ZFYVE9: variants seen among roughly 807,000 people sequenced by gnomAD.
The protein encoded by ZFYVE9 is zinc finger FYVE domain-containing protein 9.
In ZFYVE9, 43 loss-of-function variants were observed where a neutral mutation model predicts 126.7. That is an observed-to-expected ratio of 0.34 (90% CI 0.27 to 0.44). The LOEUF is 0.44. Ranked by LOEUF, ZFYVE9 falls within the 20% of genes least tolerant of loss-of-function variation. ZFYVE9 has a pLI of 1.00. For missense variants in ZFYVE9, 1,476 were observed against 1,697.0 expected (o/e 0.87, Z 2.29); for synonymous variants, 521 against 597.4 (o/e 0.87, Z 1.87).
chr1:52,169,143 A>C (rs1053552567), intron 1 of ZFYVE9, among the ~76,000 whole-genome samples: 1 of 152,116 alleles, frequency 6.6e-6, no homozygotes, highest in African/African-American at 2.4e-5. Flanking sequence ...GCTCATGCCT[A>C]TAATCCTAGC....
Position 52,333,001 on chromosome 1 carries a change from T to C in ZFYVE9, c.3589+83T>C, listed in dbSNP as rs565146940. ...GTTAGATACCTCAGTCCCGTAACACTCACTTTCTAGATAGGTGACCACAAA... is the reference window on the plus strand; with the variant it reads ...GTTAGATACCTCAGTCCCGTAACACCCACTTTCTAGATAGGTGACCACAAA... On this transcript the variant is annotated intron_variant, in intron 14 of 18. Transcript: ENST00000287727. 9.6e-5 allele frequency: 147 copies of C among 1,539,050 alleles called. No homozygotes were observed. The African/African-American group carries it at 1.9e-3, about 19-fold the overall frequency.
At chr1:52,246,486 CAG>C (rs982533880) in intron 4 of ZFYVE9, among the ~76,000 whole-genome samples, 1 of 150,954 alleles carries the variant, frequency 6.6e-6, no homozygotes. Flanking sequence ...CTTATACCTT[CAG>C]AGATCAGTTT....
At chr1:52,149,052 C>T (rs758279881) in intron 1 of ZFYVE9, among the ~76,000 whole-genome samples, 10 of 147,112 alleles carry the variant, frequency 6.8e-5, no homozygotes, top group Non-Finnish European at 1.2e-4. Flanking sequence ...GTAACCTCCA[C>T]CTCCCAGTTC....
chr1:52,285,700 A>G (rs1021949378), intron 10 of ZFYVE9, among the ~76,000 whole-genome samples: 1 of 152,196 alleles, frequency 6.6e-6, no homozygotes, highest in Admixed American at 6.5e-5. Context: ...TTGTATAATT[A>G]TTTCATGACA....
chr1:52,280,061 T>C (rs1645786604), intron 9 of ZFYVE9, among the ~76,000 whole-genome samples: 2 of 152,014 alleles, frequency 1.3e-5, no homozygotes, highest in Non-Finnish European at 2.9e-5. Context: ...CCATATCTAG[T>C]TTATAAATTA....
chr1:52,268,762 G>T, intron 7 of ZFYVE9, 130 bp downstream of exon 7: 1 of 1,100,846 alleles, frequency 9.1e-7, no homozygotes, highest in Non-Finnish European at 1.2e-6. Flanking sequence ...GCACATATAT[G>T]GATAAAGTAA....
intron 13 of ZFYVE9, among the ~76,000 whole-genome samples, chr1:52,329,892 G>A (rs1270045022): frequency 2.0e-5 from 3 of 151,784 alleles, no homozygotes; most frequent in Non-Finnish European, 4.4e-5. Flanking sequence ...GTGACAGAGC[G>A]AGACTGTCTC....
At chr1:52,192,302 A>T (rs919042713) in intron 1 of ZFYVE9, among the ~76,000 whole-genome samples, 1 of 152,232 alleles carries the variant, frequency 6.6e-6, no homozygotes, top group Non-Finnish European at 1.5e-5. Context: ...TGACACCATC[A>T]TTACCCATAA....
At position 52,237,773 on chromosome 1, in the gene ZFYVE9, A is replaced by T; in HGVS notation, c.356A>T (p.Asn119Ile). Residue 119 changes from asparagine to isoleucine, a missense_variant, in exon 4 of 19, where the codon AAC (asparagine) becomes ATC (isoleucine). By Grantham distance (149) the Asn-to-Ile change is moderately radical. Coordinates refer to ENST00000287727, the MANE Select transcript of ZFYVE9 (RefSeq NM_004799.4). ...GCAGAAGACCAGTTAATTAAGAGAA[A>T]CTATAGTTGGGATGATCAATGCAGT... ...AVAEDQLIKR[N>I]YSWDDQCSAV... is the part of the protein sequence containing the mutation. 4 of 1,614,132 alleles carry T rather than the reference A, an allele frequency of 2.5e-6. No individual in the cohort carries two copies. Among genetic ancestry groups the T allele is most frequent in the Non-Finnish European group, 3.4e-6 (4 of 1,179,992 alleles).
intron 13 of ZFYVE9, among the ~76,000 whole-genome samples, chr1:52,330,534 G>A (rs562295312): frequency 6.6e-6 from 1 of 152,330 alleles, no homozygotes; most frequent in South Asian, 2.1e-4. Flanking sequence ...AGATCATATA[G>A]GGTAACTTCC....
At chr1:52,340,016 C>A in intron 16 of ZFYVE9, 110 bp from the exon 17 acceptor site, 1 of 810,766 alleles carries the variant, frequency 1.2e-6, no homozygotes, top group Non-Finnish European at 2.1e-6. Flanking sequence ...GTGTGTTCAG[C>A]AGGGTACCCA....
intron 15 of ZFYVE9, among the ~76,000 whole-genome samples, chr1:52,337,341 AT>A (rs1031804179): frequency 1.3e-5 from 2 of 152,218 alleles, no homozygotes; most frequent in Non-Finnish European, 2.9e-5. Flanking sequence ...CACTACTATA[AT>A]TTATTCAGTG....
At chr1:52,325,424 G>A (rs1248832669) in intron 13 of ZFYVE9, among the ~76,000 whole-genome samples, 2 of 152,204 alleles carry the variant, frequency 1.3e-5, no homozygotes, top group African/African-American at 2.4e-5. Context: ...GGAGGTTGAG[G>A]TGGGAGGGTC....
chr1:52,323,095 C>T (rs537963418), intron 13 of ZFYVE9, among the ~76,000 whole-genome samples: 2 of 152,174 alleles, frequency 1.3e-5, no homozygotes, highest in African/African-American at 4.8e-5. Context: ...TGAGCCACCA[C>T]GCCCGGCCCT....
chr1:52,344,748 C>A lies in ZFYVE9; in HGVS notation c.3940-20C>A. 6.2e-7 allele frequency: 1 copy of A among 1,611,238 alleles called. No individual in the cohort carries two copies. Among genetic ancestry groups the A allele is most frequent in the South Asian group, 1.1e-5 (1 of 90,924 alleles). ...AAAATCTAGGCACAAGTTTAAAAGTCTCTTTTGTTTGGGGAACAGGTGTTT... is the reference window on the plus strand; with the variant it reads ...AAAATCTAGGCACAAGTTTAAAAGTATCTTTTGTTTGGGGAACAGGTGTTT... On this transcript the variant is annotated intron_variant, in intron 17 of 18. Transcript: ENST00000287727.
chr1:52,172,618 T>G (rs1216824072), intron 1 of ZFYVE9, among the ~76,000 whole-genome samples: 4 of 152,242 alleles, frequency 2.6e-5, no homozygotes, highest in African/African-American at 9.6e-5. Flanking sequence ...CGGTATTGAT[T>G]GTTCCTACCC....
Position 52,239,068 on chromosome 1 carries a change from T to G in ZFYVE9, c.1651T>G (p.Cys551Gly), listed in dbSNP as rs145100186. 663 of 1,614,142 alleles carry G rather than the reference T, an allele frequency of 4.1e-4. 2 individuals are homozygous for G. Among genetic ancestry groups the G allele is most frequent in the Middle Eastern group, 3.3e-3 (20 of 6,062 alleles). Residue 551 changes from cysteine to glycine, a missense_variant, in exon 4 of 19, where the codon TGT becomes GGT. Transcript: ENST00000287727. ...GAAGAAAAATTATTTACATAATTTC[T>G]GTAGTCAAGTTCCATCAGTGCTTGG... ...LMKKNYLHNF[C>G]SQVPSVLGQS...
chr1:52,235,020 G>A (rs1028877767), intron 3 of ZFYVE9, among the ~76,000 whole-genome samples: 1 of 152,082 alleles, frequency 6.6e-6, no homozygotes, highest in Non-Finnish European at 1.5e-5. Flanking sequence ...CTATTAGGGT[G>A]CTTTGTGTAT....
intron 17 of ZFYVE9, among the ~76,000 whole-genome samples, chr1:52,340,904 CAAAAAAA>C (rs10608842): frequency 2.0e-5 from 2 of 100,678 alleles, no homozygotes; most frequent in African/African-American, 7.1e-5. Context: ...GACTCCGTCT[CAAAAAAA>C]AAAAAAAAAA....
Sources: allele counts gnomAD v4.1 joint callset (sites outside exome capture counted in the v4.1 genomes callset), GRCh38; gene constraint gnomAD v4.1.1; transcripts MANE v1.5; gene names NCBI Gene and HGNC (gene_info 2026-07-23, HGNC 2026-07-21).